The following SUSD5 variants were observed in gnomAD, a reference collection of about 807,000 sequenced individuals.
SUSD5 encodes the protein sushi domain-containing protein 5.
A neutral mutation model predicts 29.5 loss-of-function variants in SUSD5; 33 were observed. The ratio of observed to expected loss-of-function variants is 1.12; its 90% CI spans 0.85 to 1.49. The LOEUF is 1.49. Ranked by LOEUF, SUSD5 falls within the 40% of genes most tolerant of loss-of-function variation. SUSD5 has a pLI of 0.00. For missense variants in SUSD5, 776 were observed against 800.6 expected (o/e 0.97, Z 0.37); for synonymous variants, 308 against 325.3 (o/e 0.95, Z 0.57).
chr3:33,166,012 CA>C (rs60528336), intron 4 of SUSD5, among the ~76,000 whole-genome samples: 106 of 119,098 alleles, frequency 8.9e-4, no homozygotes, highest in African/African-American at 1.7e-3. Flanking sequence ...CCCCCCTCTC[CA>C]AAAAAAAAAA....
intron 3 of SUSD5, among the ~76,000 whole-genome samples, chr3:33,195,292 T>A (rs1232288456): frequency 6.6e-6 from 1 of 152,242 alleles, no homozygotes; most frequent in Non-Finnish European, 1.5e-5. Flanking sequence ...GTTTTTGAAA[T>A]GCGAACTCTT....
chr3:33,176,055 A>G (rs1455654106), intron 3 of SUSD5, among the ~76,000 whole-genome samples: 1 of 152,126 alleles, frequency 6.6e-6, no homozygotes, highest in East Asian at 1.9e-4. Context: ...TACTGTCTCC[A>G]TAGTTTGCCT....
Position 33,167,897 on chromosome 3 carries a change from C to T in SUSD5, c.598+6989G>A, listed in dbSNP as rs148688798. Among the ~76,000 whole-genome samples, 20 of 152,312 alleles carry T rather than the reference C, an allele frequency of 1.3e-4. No homozygotes were observed. In the East Asian group the frequency reaches 1.7e-3, roughly 13 times the overall value. On this transcript the variant is annotated intron_variant, in intron 4 of 4. Coordinates refer to ENST00000309558, the MANE Select transcript of SUSD5 (RefSeq NM_015551.2). The surrounding 1 kb of genome is among the most constrained non-coding windows in gnomAD (Gnocchi z 4.1). ...CCATCCTTCTAGCTCTGCCCTCACC[C>T]GACCCTCTCTGTGAAAACCTGTGCT...
intron 4 of SUSD5, among the ~76,000 whole-genome samples, chr3:33,171,325 G>A (rs569268154): frequency 3.3e-4 from 49 of 150,582 alleles, no homozygotes; most frequent in African/African-American, 1.0e-3. Flanking sequence ...CCAGCCTGGC[G>A]ACAGAGCGAG....
Position 33,153,972 on chromosome 3 carries a change from G to C in SUSD5, c.660C>G (p.Phe220Leu), listed in dbSNP as rs771337521. The C allele has an allele frequency of 6.8e-6, 11 of 1,613,494 alleles. No individual in the cohort carries two copies. The highest frequency in any genetic ancestry group is 8.5e-6 in the Non-Finnish European group (10 of 1,179,746). The change falls in exon 5 of 5, where the codon TTC (phenylalanine) becomes TTG (leucine). Residue 220 changes from phenylalanine to leucine, a missense_variant. Phe to Leu is a conservative substitution (Grantham distance 22). Transcript: ENST00000309558. Reference sequence around the variant, plus strand: ...TCCGGGAATCCTCCATGAGCTCTCTGAATGACACAGATCTGTCATCAGGGA... The same window carrying C: ...TCCGGGAATCCTCCATGAGCTCTCTCAATGACACAGATCTGTCATCAGGGA... The part of the protein sequence containing the change: ...DNFPDDRSVS[F>L]RELMEDSRTE...
intron 3 of SUSD5, among the ~76,000 whole-genome samples, chr3:33,180,819 G>A (rs73047449): frequency 0.15 from 22,996 of 151,158 alleles, 1,996 homozygotes; most frequent in South Asian, 0.26. Flanking sequence ...CAGCCTCACT[G>A]ACGGAGCAAG....
chr3:33,171,716 T>C (rs1414905211), intron 4 of SUSD5, among the ~76,000 whole-genome samples: 2 of 152,180 alleles, frequency 1.3e-5, no homozygotes, highest in African/African-American at 4.8e-5. Context: ...ACCCTCCACA[T>C]ACACACTGAA....
At chr3:33,181,701 T>C (rs2031676669) in intron 3 of SUSD5, among the ~76,000 whole-genome samples, 3 of 152,194 alleles carry the variant, frequency 2.0e-5, no homozygotes, top group Admixed American at 2.0e-4. Context: ...CCTTTTATAC[T>C]GTATTTTTAC....
At chr3:33,196,277 T>G (rs1447401759) in intron 3 of SUSD5, among the ~76,000 whole-genome samples, 1 of 152,160 alleles carries the variant, frequency 6.6e-6, no homozygotes, top group African/African-American at 2.4e-5. Context: ...GATATGAGCC[T>G]GTATTTGCCC....
In SUSD5 at chr3:33,150,312, A is replaced by T. The variant is rs2030839543; in HGVS notation, c.*2430T>A. On this transcript the variant is annotated 3_prime_UTR_variant, in exon 5 of 5. Coordinates refer to ENST00000309558, the MANE Select transcript of SUSD5 (RefSeq NM_015551.2). The stretch of plus-strand genomic sequence containing the variant: ...GTCTACAAATAAAACATTTACCTGT[A>T]TTAATAATTTGTAATAAATTTATTA... 1 of 152,132 alleles carries T rather than the reference A, an allele frequency of 6.6e-6. No homozygotes were observed. Among genetic ancestry groups the T allele is most frequent in the Non-Finnish European group, 1.5e-5 (1 of 68,018 alleles). 9.4% of individuals were successfully genotyped at this position (152,132 alleles called of 1,614,324 possible).
intron 2 of SUSD5, among the ~76,000 whole-genome samples, chr3:33,208,620 T>A (rs942815985): frequency 6.6e-6 from 1 of 152,156 alleles, no homozygotes; most frequent in Admixed American, 6.5e-5. Context: ...TTATCTGAAT[T>A]ATTCTTCTTC....
At chr3:33,165,037 T>C (rs2031276575) in intron 4 of SUSD5, among the ~76,000 whole-genome samples, 1 of 151,612 alleles carries the variant, frequency 6.6e-6, no homozygotes, top group Non-Finnish European at 1.5e-5. Flanking sequence ...CTCTAAATTA[T>C]ATAGACAAAA....
chr3:33,158,883 C>T (rs991910836), intron 4 of SUSD5, among the ~76,000 whole-genome samples: 1 of 152,188 alleles, frequency 6.6e-6, no homozygotes, highest in Non-Finnish European at 1.5e-5. Context: ...GGCCTCTTTC[C>T]ACACGTCATT....
At chr3:33,201,873 C>T (rs535799700) in intron 3 of SUSD5, among the ~76,000 whole-genome samples, 38 of 152,318 alleles carry the variant, frequency 2.5e-4, no homozygotes, top group African/African-American at 8.2e-4. Flanking sequence ...GTCCTATCCT[C>T]TCTTCCCCAC....
At chr3:33,156,139 C>T (rs1453084951) in intron 4 of SUSD5, among the ~76,000 whole-genome samples, 1 of 151,744 alleles carries the variant, frequency 6.6e-6, no homozygotes, top group Non-Finnish European at 1.5e-5. Context: ...CTCCCGGGTT[C>T]AAGCGATTCT....
chr3:33,217,703 T>C (rs56331159), intron 1 of SUSD5, among the ~76,000 whole-genome samples: 35,166 of 151,312 alleles, frequency 0.23, 4,718 homozygotes, highest in East Asian at 0.5. Flanking sequence ...TTTTTTTTTT[T>C]CCCCATGTCT....
At chr3:33,185,925 T>C (rs1017347472) in intron 3 of SUSD5, among the ~76,000 whole-genome samples, 1 of 151,782 alleles carries the variant, frequency 6.6e-6, no homozygotes, top group African/African-American at 2.4e-5. Context: ...GAAGTGGAAC[T>C]GCTGCATCAA....
At chr3:33,210,052 C>T (rs1462571915) in intron 2 of SUSD5, among the ~76,000 whole-genome samples, 2 of 152,168 alleles carry the variant, frequency 1.3e-5, no homozygotes, top group African/African-American at 2.4e-5. Context: ...GAATTTTATT[C>T]TACTTGCCTT....
intron 2 of SUSD5, 131 bp from the exon 3 acceptor site, chr3:33,208,057 A>T: frequency 1.5e-6 from 1 of 651,036 alleles, no homozygotes; most frequent in Non-Finnish European, 2.6e-6. Flanking sequence ...TGAAAGCATA[A>T]ATCTGGACAC....
Sources: gnomAD v4.1 joint callset for allele counts (sites outside exome capture counted in the v4.1 genomes callset) on GRCh38, gnomAD v4.1.1 for gene constraint, Gnocchi (gnomAD v3.1) non-coding constraint, MANE v1.5 for transcripts, NCBI Gene and HGNC (gene_info 2026-07-23, HGNC 2026-07-21) for gene names.